Variants in PDZK1IP1 observed in about 807,000 individuals in gnomAD.
PDZK1IP1 encodes the protein PDZK1-interacting protein 1.
A neutral mutation model predicts 14.7 loss-of-function variants in PDZK1IP1; 9 were observed. That is an observed-to-expected ratio of 0.61 (90% confidence interval 0.37 to 1.07). The LOEUF (loss-of-function observed/expected upper bound fraction) is 1.07. PDZK1IP1 is among the 50% of genes least tolerant of loss of function. PDZK1IP1 has a pLI of 0.01. For synonymous variants in PDZK1IP1, 70 were observed against 61.2 expected (o/e 1.14, Z -0.67); for missense variants, 152 against 148.7 (o/e 1.02, Z -0.11).
intron 3 of PDZK1IP1, among the ~76,000 whole-genome samples, chr1:47,184,585 A>G (rs79041319): frequency 4.2e-4 from 1 of 2,386 alleles, no homozygotes; most frequent in African/African-American, 2.0e-3. Flanking sequence ...CTGAGTCCAT[A>G]CCCCACTGAG....
chr1:47,185,135 G>T (rs775366140), intron 2 of PDZK1IP1, 38 bp from the exon 3 acceptor site: 2 of 1,536,312 alleles, frequency 1.3e-6, no homozygotes, highest in Non-Finnish European at 1.8e-6. Flanking sequence ...CCTCAGTGGG[G>T]CCCCCCTCGT....
intron 2 of PDZK1IP1, 78 bp downstream of exon 2, chr1:47,187,241 C>T: frequency 2.0e-6 from 2 of 978,464 alleles, no homozygotes; most frequent in Non-Finnish European, 1.6e-6. Context: ...TTTCTGAGGC[C>T]CTTCTCACTG....
chr1:47,189,199 A>G (rs1026101713), intron 1 of PDZK1IP1, among the ~76,000 whole-genome samples: 5 of 152,192 alleles, frequency 3.3e-5, no homozygotes, highest in Non-Finnish European at 7.4e-5. Context: ...CCTCTGGACC[A>G]AGTCCCACCT....
In PDZK1IP1 at chr1:47,185,159, A is replaced by C. The variant is rs1166877098; in HGVS notation, c.177-62T>G. On this transcript the variant is annotated intron_variant, in intron 2 of 3. Transcript: ENST00000294338. ...GGCCCCCCTCGTCCAAGCAGACCCTATTCTGGGTCCTGGTTCTCACAAGCC... is the reference window on the plus strand; with the variant it reads ...GGCCCCCCTCGTCCAAGCAGACCCTCTTCTGGGTCCTGGTTCTCACAAGCC... 4.7e-6 allele frequency: 6 copies of C among 1,270,550 alleles called. No homozygotes were observed. In the Admixed American group the frequency reaches 6.7e-5, roughly 14 times the overall value. 78.7% of individuals were successfully genotyped at this position (1,270,550 alleles called of 1,614,324 possible).
chr1:47,189,560 T>G (rs527562783), intron 1 of PDZK1IP1, among the ~76,000 whole-genome samples: 37 of 152,230 alleles, frequency 2.4e-4, no homozygotes, highest in Non-Finnish European at 4.0e-4. Flanking sequence ...TCACCCTACT[T>G]GTACCCCCGG....
chr1:47,189,982 T>C lies in PDZK1IP1; in HGVS notation c.-50A>G. 2 of 1,452,442 alleles carry C rather than the reference T, an allele frequency of 1.4e-6. No individual in the cohort carries two copies. Among genetic ancestry groups the C allele is most frequent in the Non-Finnish European group, 1.9e-6 (2 of 1,080,950 alleles). 90.0% of individuals were successfully genotyped at this position (1,452,442 alleles called of 1,614,324 possible). On this transcript the variant is annotated 5_prime_UTR_variant, in exon 1 of 4. Coordinates refer to ENST00000294338, the MANE Select transcript of PDZK1IP1 (RefSeq NM_005764.4). ...TTCTGGCCGCCGGTGTCTGGGCTCCTGGAGCTGCTGTGGAGTCTATTGGTG... is the reference window on the plus strand; with the variant it reads ...TTCTGGCCGCCGGTGTCTGGGCTCCCGGAGCTGCTGTGGAGTCTATTGGTG...
intron 3 of PDZK1IP1, among the ~76,000 whole-genome samples, 192 bp from the exon 4 acceptor site, chr1:47,184,235 C>T (rs982167074): frequency 1.3e-5 from 2 of 151,702 alleles, no homozygotes; most frequent in African/African-American, 4.9e-5. Context: ...CTCCCTGACA[C>T]CTATCTCCCT....
At chr1:47,184,192 A>G (rs1323228516) in intron 3 of PDZK1IP1, 149 bp from the exon 4 acceptor site, 5 of 663,830 alleles carry the variant, frequency 7.5e-6, no homozygotes, top group Non-Finnish European at 1.3e-5. Flanking sequence ...ATCTGGGCTT[A>G]TGCATCCGAG....
In PDZK1IP1 at chr1:47,184,063, G is replaced by A; in HGVS notation, c.273-20C>T. ...CTGGACCTGAAAGAAGAAGGCATGGGCCTGATGGGTCATCGCTCCTCCCAT... is the reference window on the plus strand; with the variant it reads ...CTGGACCTGAAAGAAGAAGGCATGGACCTGATGGGTCATCGCTCCTCCCAT... On this transcript the variant is annotated intron_variant, in intron 3 of 3. Coordinates refer to ENST00000294338, the MANE Select transcript of PDZK1IP1 (RefSeq NM_005764.4). 1.9e-6 allele frequency: 3 copies of A among 1,559,018 alleles called. No individual in the cohort carries two copies. Among genetic ancestry groups the A allele is most frequent in the Non-Finnish European group, 2.6e-6 (3 of 1,144,192 alleles).
chr1:47,185,254 C>G, intron 2 of PDZK1IP1, 157 bp from the exon 3 acceptor site: 1 of 622,842 alleles, frequency 1.6e-6, no homozygotes, highest in South Asian at 1.9e-5. Flanking sequence ...ACTGGCCCCA[C>G]CCATGGGGTC....
Position 47,183,697 on chromosome 1 carries a change from A to T in PDZK1IP1, c.*274T>A, listed in dbSNP as rs1299422794. ...CCATAGTTATGGGGAAGGACGTGTG[A>T]GCAGGATGGGAGGTGCTCAGCTGAC... On this transcript the variant is annotated 3_prime_UTR_variant, in exon 4 of 4. Coordinates refer to ENST00000294338, the MANE Select transcript of PDZK1IP1 (RefSeq NM_005764.4). The T allele has an allele frequency of 2.1e-6, 1 of 486,408 alleles. No homozygotes were observed. The highest frequency in any genetic ancestry group is 3.5e-5 in the Admixed American group (1 of 28,576). The allele number at this position is 486,408 out of a possible 1,614,324, so 30.1% of individuals were successfully genotyped here.
At chr1:47,187,214 G>C in intron 2 of PDZK1IP1, 105 bp downstream of exon 2, 1 of 726,200 alleles carries the variant, frequency 1.4e-6, no homozygotes, top group Non-Finnish European at 2.4e-6. Flanking sequence ...GCCTCAGGGG[G>C]AGGATTGGAC....
At chr1:47,189,052 G>A (rs3737770) in intron 1 of PDZK1IP1, among the ~76,000 whole-genome samples, 8,840 of 151,816 alleles carry the variant, frequency 0.058, 422 homozygotes, top group East Asian at 0.24. Flanking sequence ...CTTTCTTGCC[G>A]TGCTCTGTGA....
At chr1:47,185,595 AG>A (rs1318249140) in intron 2 of PDZK1IP1, among the ~76,000 whole-genome samples, 1 of 152,156 alleles carries the variant, frequency 6.6e-6, no homozygotes, top group Non-Finnish European at 1.5e-5. Context: ...TGAGGGTTAC[AG>A]GGACCCGAAC....
At position 47,187,311 on chromosome 1, in the gene PDZK1IP1, G is replaced by A; in HGVS notation, c.176+8C>T. The A allele has an allele frequency of 6.2e-7, 1 of 1,603,574 alleles. No homozygotes were observed. The highest frequency in any genetic ancestry group is 8.5e-7 in the Non-Finnish European group (1 of 1,171,606). ...CTGCCTGCTCAGGGACCCTTGGGCA[G>A]CACTCACGGCTCCTCCTGGCACCAG... On this transcript the variant is annotated splice_region_variant and intron_variant, in intron 2 of 3. Coordinates refer to ENST00000294338, the MANE Select transcript of PDZK1IP1 (RefSeq NM_005764.4).
At position 47,187,331 on chromosome 1, in the gene PDZK1IP1, C is replaced by T; in HGVS notation, c.164G>A (p.Cys55Tyr). Reference protein sequence around the residue: ...AIAFAVNHFWCQEEPEPAHMI... With the variant: ...AIAFAVNHFWYQEEPEPAHMI... ...GGGCAGCACTCACGGCTCCTCCTGGCACCAGAAGTGGTTGACTGCAAAGGC... is the reference window on the plus strand; with the variant it reads ...GGGCAGCACTCACGGCTCCTCCTGGTACCAGAAGTGGTTGACTGCAAAGGC... Residue 55 changes from cysteine (C) to tyrosine (Y), a missense_variant, in exon 2 of 4, where the codon TGC becomes TAC. Physicochemically the swap from Cys to Tyr is radical, Grantham distance 194. Transcript: ENST00000294338. 6.2e-7 allele frequency: 1 copy of T among 1,612,434 alleles called. No individual in the cohort carries two copies. Among genetic ancestry groups the T allele is most frequent in the Non-Finnish European group, 8.5e-7 (1 of 1,179,620 alleles).
In PDZK1IP1 at chr1:47,189,842, C is replaced by T; in HGVS notation, c.67+24G>A. 3 of 1,570,966 alleles carry T rather than the reference C, an allele frequency of 1.9e-6. No homozygotes were observed. In the East Asian group the frequency reaches 6.8e-5, roughly 36 times the overall value. On this transcript the variant is annotated intron_variant, in intron 1 of 3. Coordinates refer to ENST00000294338, the MANE Select transcript of PDZK1IP1 (RefSeq NM_005764.4). ...CCTGTCCACCCCTGGGTCTCCCGTGCCCAGCCCTCTCCTCCTGAGCTACCT... is the reference window on the plus strand; with the variant it reads ...CCTGTCCACCCCTGGGTCTCCCGTGTCCAGCCCTCTCCTCCTGAGCTACCT...
At chr1:47,185,255 C>T (rs929429552) in intron 2 of PDZK1IP1, 158 bp from the exon 3 acceptor site, 3 of 622,492 alleles carry the variant, frequency 4.8e-6, no homozygotes, top group Admixed American at 2.7e-5. Flanking sequence ...CTGGCCCCAC[C>T]CATGGGGTCT....
intron 2 of PDZK1IP1, among the ~76,000 whole-genome samples, chr1:47,185,517 G>A (rs76178225): frequency 0.022 from 3,281 of 152,186 alleles, 53 homozygotes; most frequent in South Asian, 0.046. Flanking sequence ...CAACCTTCTC[G>A]TCTCTTACTC....
Sources: allele counts gnomAD v4.1 joint callset (sites outside exome capture counted in the v4.1 genomes callset), GRCh38; gene constraint gnomAD v4.1.1; transcripts MANE v1.5; gene names NCBI Gene and HGNC (gene_info 2026-07-23, HGNC 2026-07-21).